Variants in TNR observed in about 807,000 individuals in gnomAD.
The protein encoded by TNR is tenascin R.
TNR carries 45 observed loss-of-function variants against 150.4 expected under a neutral mutation model. The observed-to-expected ratio is 0.30, with a 90% CI of 0.24 to 0.38. The LOEUF (loss-of-function observed/expected upper bound fraction) is 0.38. TNR is among the 10% of genes least tolerant of loss of function. The pLI is 1.00. For synonymous variants in TNR, 687 were observed against 678.4 expected (o/e 1.01, Z -0.20); for missense variants, 1,544 against 1,759.1 (o/e 0.88, Z 2.19).
chr1:175,574,365 G>T (rs1268577278), intron 1 of TNR, among the ~76,000 whole-genome samples: 1 of 152,024 alleles, frequency 6.6e-6, no homozygotes, highest in Admixed American at 6.6e-5. Context: ...GATAATCAAA[G>T]TACAGAAAAA....
chr1:175,640,452 G>T (rs1462120007), intron 1 of TNR, among the ~76,000 whole-genome samples: 1 of 152,188 alleles, frequency 6.6e-6, no homozygotes, highest in African/African-American at 2.4e-5. Flanking sequence ...ATGCCAGCCA[G>T]AAATTTTTGG....
At chr1:175,389,258 C>T (rs895380042) in intron 7 of TNR, among the ~76,000 whole-genome samples, 1 of 152,208 alleles carries the variant, frequency 6.6e-6, no homozygotes, top group Non-Finnish European at 1.5e-5. Flanking sequence ...CATCTCCTGA[C>T]CCTTCTTCTC....
At position 175,323,319 on chromosome 1, in the gene TNR, T is replaced by C. The variant is rs774499498; in HGVS notation, c.*38A>G. 9.3e-6 allele frequency: 15 copies of C among 1,608,510 alleles called. No individual in the cohort carries two copies. Among genetic ancestry groups the C allele is most frequent in the African/African-American group, 5.4e-5 (4 of 74,658 alleles). ...TTTCATATTATAAAATACAAACAAA[T>C]GACAGAAAATATTGGTTGGCTTGCA... On this transcript the variant is annotated 3_prime_UTR_variant, in exon 23 of 23. Coordinates refer to ENST00000367674, the MANE Select transcript of TNR (RefSeq NM_003285.3).
At chr1:175,564,391 A>G (rs1167453048) in intron 1 of TNR, among the ~76,000 whole-genome samples, 2 of 152,228 alleles carry the variant, frequency 1.3e-5, no homozygotes, top group Non-Finnish European at 2.9e-5. Flanking sequence ...GGTTTACAGG[A>G]TGGGAAAGAA....
At chr1:175,541,547 A>C in intron 1 of TNR, among the ~76,000 whole-genome samples, 1 of 152,250 alleles carries the variant, frequency 6.6e-6, no homozygotes, top group East Asian at 1.9e-4. Context: ...CTGAGAATTA[A>C]AGATCATTTG....
At chr1:175,420,742 C>CT (rs1432747409) in intron 2 of TNR, among the ~76,000 whole-genome samples, 4 of 152,158 alleles carry the variant, frequency 2.6e-5, no homozygotes, top group African/African-American at 9.7e-5. Context: ...TATTGCTCCA[C>CT]TTTACAGATG....
At chr1:175,633,027 T>A (rs1664380108) in intron 1 of TNR, among the ~76,000 whole-genome samples, 1 of 152,150 alleles carries the variant, frequency 6.6e-6, no homozygotes, top group African/African-American at 2.4e-5. Context: ...TCTCCATACC[T>A]TGTATACACT....
intron 1 of TNR, among the ~76,000 whole-genome samples, chr1:175,652,008 T>C (rs1344148619): frequency 6.6e-6 from 1 of 150,518 alleles, no homozygotes; most frequent in East Asian, 1.9e-4. Context: ...TAATTCTCTT[T>C]ATGATTTTAA....
chr1:175,329,342 C>A (rs1309288542), intron 21 of TNR, among the ~76,000 whole-genome samples: 1 of 152,170 alleles, frequency 6.6e-6, no homozygotes, highest in Non-Finnish European at 1.5e-5. Flanking sequence ...ATTGGCAAAG[C>A]CCAAGAAGCA....
At chr1:175,382,105 C>T (rs1023066012) in intron 8 of TNR, among the ~76,000 whole-genome samples, 7 of 152,202 alleles carry the variant, frequency 4.6e-5, no homozygotes, top group African/African-American at 1.7e-4. Flanking sequence ...GTTTATTTCG[C>T]TTTTCATTAT....
rs145950905 is a variant in TNR at position 175,468,306 on chromosome 1, T to C, written c.-64+59963A>G. Among the ~76,000 whole-genome samples the C allele has an allele frequency of 7.2e-5, 11 of 152,292 alleles. No homozygotes were observed. The East Asian group carries it at 1.7e-3, about 24-fold the overall frequency. On this transcript the variant is annotated intron_variant, in intron 2 of 22. Coordinates refer to ENST00000367674, the MANE Select transcript of TNR (RefSeq NM_003285.3). ...AAGATTTAATTTCCTCAATCATATATGGATGGAAACAACAATACTTGCCCT... is the reference window on the plus strand; with the variant it reads ...AAGATTTAATTTCCTCAATCATATACGGATGGAAACAACAATACTTGCCCT...
chr1:175,539,191 C>T (rs993439646), intron 1 of TNR: 1 of 152,136 alleles, frequency 6.6e-6, no homozygotes, highest in African/African-American at 2.4e-5. Context: ...TTACACAGTT[C>T]CCCAGGAAAA....
intron 1 of TNR, among the ~76,000 whole-genome samples, chr1:175,622,316 G>T (rs1385922951): frequency 6.6e-6 from 1 of 152,184 alleles, no homozygotes; most frequent in Non-Finnish European, 1.5e-5. Context: ...GTACATGGCA[G>T]AGCTGGGGCA....
Position 175,354,410 on chromosome 1 carries a change from G to T in TNR, c.3363C>A (p.Thr1121=), listed in dbSNP as rs1438077739. 1 of 1,613,970 alleles carries T rather than the reference G, an allele frequency of 6.2e-7. No individual in the cohort carries two copies. Among genetic ancestry groups the T allele is most frequent in the Non-Finnish European group, 8.5e-7 (1 of 1,179,972 alleles). ...AAQDTTWSSI[T]STAFTTGGRV... is the part of the protein sequence containing the mutation. ...CCTCACCTGTGGTGAAAGCGGTGGAGGTGATGCTGCTCCACGTGGTGTCCT... is the reference window on the plus strand; with the variant it reads ...CCTCACCTGTGGTGAAAGCGGTGGATGTGATGCTGCTCCACGTGGTGTCCT... Residue 1121 remains threonine, a synonymous_variant, in exon 18 of 23, where the codon ACC becomes ACA. Coordinates refer to ENST00000367674, the MANE Select transcript of TNR (RefSeq NM_003285.3).
At chr1:175,473,887 G>A (rs1657408334) in intron 2 of TNR, among the ~76,000 whole-genome samples, 1 of 152,126 alleles carries the variant, frequency 6.6e-6, no homozygotes, top group Admixed American at 6.5e-5. Flanking sequence ...TTTTAATGAA[G>A]TGCATTAAAA....
chr1:175,572,529 G>A (rs1024784156), intron 1 of TNR, among the ~76,000 whole-genome samples: 20 of 151,982 alleles, frequency 1.3e-4, no homozygotes, highest in African/African-American at 4.4e-4. Flanking sequence ...CCTTTGATGC[G>A]GGTCACATCA....
chr1:175,546,757 C>G (rs1375344147), intron 1 of TNR, among the ~76,000 whole-genome samples: 1 of 152,120 alleles, frequency 6.6e-6, no homozygotes, highest in African/African-American at 2.4e-5. Flanking sequence ...CCTCTGGCCT[C>G]TTCAGAAGTC....
rs377464816 is a variant in TNR, at chr1:175,337,546, G to A, written c.3516C>T (p.Thr1172=). The A allele has an allele frequency of 2.2e-5, 35 of 1,613,318 alleles. No homozygotes were observed. The Admixed American group carries it at 3.2e-4, about 15-fold the overall frequency. ...TACTTACAATCCAGCCGCCCCCGTC[G>A]GTGGTCATATCACAGTACACTTGTA... is the stretch of plus-strand genomic sequence containing the variant. ...QKLQVYCDMT[T]DGGGWIVFQR... is the part of the protein sequence containing the mutation. The change falls in exon 19 of 23, where the codon ACC becomes ACT. Residue 1172 remains threonine (T), a synonymous_variant. Coordinates refer to ENST00000367674, the MANE Select transcript of TNR (RefSeq NM_003285.3).
At chr1:175,402,267 A>T (rs1367605887) in intron 4 of TNR, among the ~76,000 whole-genome samples, 1 of 126,948 alleles carries the variant, frequency 7.9e-6, no homozygotes, top group Non-Finnish European at 1.6e-5. Context: ...AGATTGCGCC[A>T]CTGCAGTCCG....
Sources: gnomAD v4.1 joint callset for allele counts (sites outside exome capture counted in the v4.1 genomes callset) on GRCh38, gnomAD v4.1.1 for gene constraint, MANE v1.5 for transcripts, NCBI Gene and HGNC (gene_info 2026-07-23, HGNC 2026-07-21) for gene names.